Variants in SYT14 observed in about 807,000 individuals in gnomAD.
SYT14 encodes the protein synaptotagmin-14.
In SYT14, 32 loss-of-function variants were observed where a neutral mutation model predicts 74.2. That is an observed-to-expected ratio of 0.43 (90% confidence interval 0.33 to 0.58). SYT14 has a LOEUF of 0.58. Ranked by LOEUF, SYT14 falls within the 20% of genes least tolerant of loss-of-function variation. SYT14 has a pLI of 0.05. For synonymous variants in SYT14, 298 were observed against 337.7 expected (o/e 0.88, Z 1.29); for missense variants, 791 against 981.8 (o/e 0.81, Z 2.60).
chr1:210,050,145 T>G (rs1323617430), intron 5 of SYT14, among the ~76,000 whole-genome samples: 3 of 152,208 alleles, frequency 2.0e-5, no homozygotes, highest in Non-Finnish European at 4.4e-5. Flanking sequence ...AAAACTGCCT[T>G]TAACAGCACA....
At chr1:210,006,100 A>T (rs900145862) in intron 2 of SYT14, among the ~76,000 whole-genome samples, 7 of 151,840 alleles carry the variant, frequency 4.6e-5, no homozygotes, top group African/African-American at 1.7e-4. Context: ...GTTTCACATC[A>T]CTACCATCTA....
At chr1:210,010,973 T>C (rs969443157) in intron 2 of SYT14, among the ~76,000 whole-genome samples, 3 of 152,194 alleles carry the variant, frequency 2.0e-5, no homozygotes, top group Non-Finnish European at 4.4e-5. Context: ...ATCTGCTGTA[T>C]GGTTTTGTGC....
chr1:210,066,307 C>T (rs867666639), intron 5 of SYT14, among the ~76,000 whole-genome samples: 4 of 152,100 alleles, frequency 2.6e-5, no homozygotes, highest in African/African-American at 9.6e-5. Flanking sequence ...GCCACACTGA[C>T]TTCCACAATG....
rs148170331 is a variant in SYT14, at chr1:209,982,629, G to A, written c.-486+29873G>A. 4.5e-3 allele frequency among the ~76,000 whole-genome samples: 686 copies of A among 152,198 alleles called. 12 individuals carry two copies. The highest frequency in any genetic ancestry group is 0.015 in the African/African-American group (640 of 41,508). The stretch of plus-strand genomic sequence containing the variant: ...ACATCTTGGTTGCTTCCAAGTTTTG[G>A]CAATTATGAATAAAGCTGCTGTAAG... On this transcript the variant is annotated intron_variant, in intron 2 of 9. Coordinates refer to ENST00000637265, the Ensembl canonical transcript of SYT14.
At chr1:209,939,020 A>G (rs1447038446) in intron 1 of SYT14, among the ~76,000 whole-genome samples, 1 of 152,194 alleles carries the variant, frequency 6.6e-6, no homozygotes, top group African/African-American at 2.4e-5. Flanking sequence ...CATATTTCGA[A>G]AAACAGCTTA....
chr1:210,122,836 C>T (rs1232122619), intron 7 of SYT14, among the ~76,000 whole-genome samples: 19 of 152,036 alleles, frequency 1.2e-4, no homozygotes, highest in Admixed American at 1.2e-3. Flanking sequence ...GTATATTCAC[C>T]TTATGATTTG....
At chr1:210,075,808 C>T (rs1029568138) in intron 5 of SYT14, among the ~76,000 whole-genome samples, 9 of 152,138 alleles carry the variant, frequency 5.9e-5, no homozygotes, top group African/African-American at 1.9e-4. Context: ...CAGCACTTCC[C>T]TGCCCTCCTT....
intron 2 of SYT14, among the ~76,000 whole-genome samples, chr1:210,000,772 C>T (rs916947872): frequency 3.3e-5 from 5 of 151,776 alleles, no homozygotes; most frequent in Non-Finnish European, 7.4e-5. Flanking sequence ...TGCCACCGCG[C>T]CAGGCTAATT....
intron 2 of SYT14, among the ~76,000 whole-genome samples, chr1:209,953,493 T>C (rs929589150): frequency 1.3e-5 from 2 of 152,180 alleles, no homozygotes; most frequent in Non-Finnish European, 2.9e-5. Context: ...TCAGACTCAC[T>C]TGCCCCTCCT....
chr1:210,143,636 A>C (rs1041556697), intron 7 of SYT14, among the ~76,000 whole-genome samples: 1 of 152,196 alleles, frequency 6.6e-6, no homozygotes, highest in African/African-American at 2.4e-5. Flanking sequence ...TGAAGACTCA[A>C]AATATTTTGG....
intron 2 of SYT14, among the ~76,000 whole-genome samples, chr1:209,987,866 G>A (rs2079598060): frequency 1.3e-5 from 2 of 152,090 alleles, no homozygotes; most frequent in Admixed American, 1.3e-4. Context: ...TAGATAATGT[G>A]TAATTTTTCT....
intron 2 of SYT14, among the ~76,000 whole-genome samples, chr1:209,977,621 C>G (rs1172133927): frequency 2.0e-5 from 3 of 152,210 alleles, no homozygotes; most frequent in Non-Finnish European, 4.4e-5. Flanking sequence ...CGACCTTTCT[C>G]TCTGGCTGCC....
At chr1:209,948,783 T>A (rs1487992338) in intron 1 of SYT14, among the ~76,000 whole-genome samples, 1 of 152,210 alleles carries the variant, frequency 6.6e-6, no homozygotes, top group African/African-American at 2.4e-5. Context: ...CAAATGTAGT[T>A]CTGAGTTCTA....
At chr1:210,126,344 CAA>C (rs34217502) in intron 7 of SYT14, among the ~76,000 whole-genome samples, 9 of 137,576 alleles carry the variant, frequency 6.5e-5, no homozygotes, top group African/African-American at 1.9e-4. Flanking sequence ...AATTTATGGC[CAA>C]AAAAAAAAAA....
chr1:209,955,388 A>G (rs1401314850), intron 2 of SYT14, among the ~76,000 whole-genome samples: 1 of 152,176 alleles, frequency 6.6e-6, no homozygotes, highest in Non-Finnish European at 1.5e-5. Context: ...CGCAACTCCT[A>G]ACTTAAGAAT....
At chr1:210,079,608 C>CT (rs2102475460) in intron 5 of SYT14, among the ~76,000 whole-genome samples, 1 of 152,144 alleles carries the variant, frequency 6.6e-6, no homozygotes, top group South Asian at 2.1e-4. Flanking sequence ...GAATTTTTAC[C>CT]TCAGCCCATG....
chr1:210,052,177 C>A (rs2636376), intron 5 of SYT14, among the ~76,000 whole-genome samples: 52,079 of 151,516 alleles, frequency 0.34, 9,886 homozygotes, highest in Non-Finnish European at 0.42. Context: ...TATATTCTGG[C>A]TGTTTGAGTT....
At chr1:209,987,168 C>T (rs1054557639) in intron 2 of SYT14, among the ~76,000 whole-genome samples, 2 of 152,198 alleles carry the variant, frequency 1.3e-5, no homozygotes, top group African/African-American at 2.4e-5. Flanking sequence ...CTTCTGAGCC[C>T]TCCAGACTAT....
intron 7 of SYT14, among the ~76,000 whole-genome samples, chr1:210,154,717 A>C (rs1267848195): frequency 6.6e-6 from 1 of 152,158 alleles, no homozygotes; most frequent in Non-Finnish European, 1.5e-5. Flanking sequence ...AATTTCCAAA[A>C]AATATAGATA....
Sources: allele counts gnomAD v4.1 joint callset (sites outside exome capture counted in the v4.1 genomes callset), GRCh38; gene constraint gnomAD v4.1.1; transcripts MANE v1.5; gene names NCBI Gene and HGNC (gene_info 2026-07-23, HGNC 2026-07-21).